CLTRN: variants seen among roughly 807,000 people sequenced by gnomAD.
The protein encoded by CLTRN is collectrin, amino acid transport regulator.
A neutral mutation model predicts 14.5 loss-of-function variants in CLTRN; 12 were observed. The ratio of observed to expected loss-of-function variants is 0.83; its 90% confidence interval spans 0.53 to 1.34. The LOEUF is 1.34. CLTRN is among the 40% of genes most tolerant of loss of function. The pLI is 0.00. For synonymous variants in CLTRN, 58 were observed against 56.5 expected, an observed-to-expected ratio of 1.03 and a Z score of -0.12; for missense variants, 154 against 165.1, an observed-to-expected ratio of 0.93 and a Z score of 0.37.
chrX:15,642,201 A>G (rs955919641), intron 4 of CLTRN, among the ~76,000 whole-genome samples: 1 of 111,942 alleles, frequency 8.9e-6, no homozygotes, highest in Non-Finnish European at 1.9e-5. Flanking sequence ...AATGTATTCT[A>G]TCATCTCACA....
intron 3 of CLTRN, chrX:15,646,449 A>G (rs1929069736): frequency 3.2e-6 from 1 of 317,012 alleles, no homozygotes; most frequent in African/African-American, 2.9e-5. Context: ...CTGGGCCAGA[A>G]AACCGCGCAC....
chrX:15,648,874 A>G (rs1307086104), intron 3 of CLTRN, among the ~76,000 whole-genome samples: 1 of 112,087 alleles, frequency 8.9e-6, no homozygotes, highest in Non-Finnish European at 1.9e-5. Flanking sequence ...GTAAAATATT[A>G]TGCGTAGTAC....
intron 1 of CLTRN, among the ~76,000 whole-genome samples, chrX:15,670,650 T>C (rs1043344059): frequency 4.5e-5 from 5 of 111,293 alleles, no homozygotes; most frequent in Non-Finnish European, 9.4e-5. Context: ...TGGTTTTCAA[T>C]TGGGGGTGAT....
chrX:15,647,532 G>C (rs1462281099), intron 3 of CLTRN, among the ~76,000 whole-genome samples: 1 of 79,648 alleles, frequency 1.3e-5, no homozygotes, highest in South Asian at 5.4e-4. Flanking sequence ...TTTCTTGGTG[G>C]GGGGGGGAGG....
At chrX:15,669,531 G>GT (rs1929678583), upstream of CLTRN, among the ~76,000 whole-genome samples, 1 of 112,088 alleles carries the variant, frequency 8.9e-6, no homozygotes, top group African/African-American at 3.2e-5. Context: ...ATTTCTCCGT[G>GT]TTTTTTATAC....
chrX:15,663,921 C>T (rs1929564707), intron 2 of CLTRN, among the ~76,000 whole-genome samples: 1 of 111,958 alleles, frequency 8.9e-6, no homozygotes. Flanking sequence ...ATTTTTTGTG[C>T]TATGAAAGAC....
At chrX:15,629,072 G>A (rs768276053) in intron 5 of CLTRN, among the ~76,000 whole-genome samples, 8 of 111,840 alleles carry the variant, frequency 7.2e-5, no homozygotes, top group African/African-American at 2.6e-4. Flanking sequence ...TTTCCCTAAG[G>A]CTTATCACAG....
chrX:15,661,704 A>G (rs957971759), intron 2 of CLTRN, among the ~76,000 whole-genome samples: 1 of 112,456 alleles, frequency 8.9e-6, no homozygotes, highest in Non-Finnish European at 1.9e-5. Context: ...ACCCCCAAAA[A>G]AGAAGGCATA....
chrX:15,645,136 T>G lies in CLTRN; in HGVS notation c.204-107A>C, dbSNP rs781342367. 5 of 408,593 alleles carry G rather than the reference T, an allele frequency of 1.2e-5. No homozygotes were observed. The African/African-American group carries it at 1.3e-4, about 10-fold the overall frequency. 33.7% of individuals were successfully genotyped at this position (408,593 alleles called of 1,213,427 possible). ...ATCTTAAGAGACATCTTAGCTATGT[T>G]TAAAAAGTCATTTCTACCATTATGA... is the stretch of plus-strand genomic sequence containing the variant. On this transcript the variant is annotated intron_variant, in intron 3 of 5. Coordinates refer to ENST00000380342, the MANE Select transcript of CLTRN (RefSeq NM_020665.6).
In CLTRN at chrX:15,650,924, C is replaced by A. The variant is rs779165437; in HGVS notation, c.204-5895G>T. On this transcript the variant is annotated intron_variant, in intron 3 of 5. Transcript: ENST00000380342. The stretch of plus-strand genomic sequence containing the variant: ...TATGAAGATGGAGACACACTCTGGG[C>A]TGATACTTCCTACTTGCTTGGATGA... Among the ~76,000 whole-genome samples the A allele has an allele frequency of 6.5e-4, 73 of 111,743 alleles. 1 individual carries two copies. In the South Asian group the frequency reaches 0.027, roughly 41 times the overall value.
chrX:15,635,919 T>C (rs1928807202), intron 5 of CLTRN, among the ~76,000 whole-genome samples: 1 of 111,727 alleles, frequency 9.0e-6, no homozygotes, highest in Non-Finnish European at 1.9e-5. Context: ...AAAGAAGACA[T>C]ACAAATGCCC....
rs958571996 is a variant in CLTRN, at chrX:15,656,196, T to C, written c.203+2820A>G. Among the ~76,000 whole-genome samples, 5 of 111,951 alleles carry C rather than the reference T, an allele frequency of 4.5e-5. No individual in the cohort carries two copies. The South Asian group carries it at 1.9e-3, about 42-fold the overall frequency. ...CTCTCCAACAAGACATCACTTCCTT[T>C]TTCATAGCCATGCAAGCTTCTACTG... On this transcript the variant is annotated intron_variant, in intron 3 of 5. Coordinates refer to ENST00000380342, the MANE Select transcript of CLTRN (RefSeq NM_020665.6).
chrX:15,651,107 G>C (rs1042277504), intron 3 of CLTRN, among the ~76,000 whole-genome samples: 35 of 111,496 alleles, frequency 3.1e-4, no homozygotes, highest in Middle Eastern at 4.6e-3. Context: ...AGGTGAAAAA[G>C]AGAAAGAAAT....
intron 3 of CLTRN, among the ~76,000 whole-genome samples, chrX:15,648,686 G>A (rs1929147560): frequency 9.1e-6 from 1 of 109,680 alleles, no homozygotes; most frequent in Non-Finnish European, 1.9e-5. Context: ...TGACGCACAC[G>A]TGTAATCCCA....
At chrX:15,646,559 C>A (rs1929077782) in intron 3 of CLTRN, 1 of 336,661 alleles carries the variant, frequency 3.0e-6, no homozygotes, top group East Asian at 1.0e-4. Context: ...TCACCTACTT[C>A]CACGGGAAGC....
At chrX:15,661,755 AC>A (rs1929513755) in intron 2 of CLTRN, among the ~76,000 whole-genome samples, 1 of 112,676 alleles carries the variant, frequency 8.9e-6, no homozygotes, top group Non-Finnish European at 1.9e-5. Flanking sequence ...CAGCTTAACT[AC>A]CTGTTGTGCG....
intron 5 of CLTRN, among the ~76,000 whole-genome samples, chrX:15,630,374 AGG>A (rs1213829423): frequency 5.1e-5 from 3 of 58,682 alleles, no homozygotes; most frequent in Non-Finnish European, 8.4e-5. Context: ...GAAGGAAGGA[AGG>A]AAGGAAGGAA....
At chrX:15,667,003 C>T (rs989051814), upstream of CLTRN, among the ~76,000 whole-genome samples, 7 of 111,524 alleles carry the variant, frequency 6.3e-5, no homozygotes, top group African/African-American at 2.0e-4. Context: ...TTTCGGAGGC[C>T]GAGGCAGGTG....
chrX:15,646,475 A>T, intron 3 of CLTRN: 1 of 93,749 alleles, frequency 1.1e-5, no homozygotes, highest in Non-Finnish European at 2.3e-5. Context: ...CCCCCGCCCG[A>T]CCCCCGCGCC....
Sources: allele counts gnomAD v4.1 joint callset (sites outside exome capture counted in the v4.1 genomes callset), GRCh38; gene constraint gnomAD v4.1.1; transcripts MANE v1.5; gene names NCBI Gene and HGNC (gene_info 2026-07-23, HGNC 2026-07-21).